The following TESK2 variants were observed in gnomAD, a reference collection of about 807,000 sequenced individuals.
TESK2 encodes the protein dual specificity testis-specific protein kinase 2.
A neutral mutation model predicts 57.1 loss-of-function variants in TESK2; 39 were observed. That is an observed-to-expected ratio of 0.68 (90% confidence interval 0.53 to 0.89). The LOEUF (loss-of-function observed/expected upper bound fraction) is 0.89, where lower values mean the gene tolerates loss of function less well. Among genes scored for constraint, TESK2 ranks in the 40% least tolerant of loss-of-function variants. The pLI is 0.00. For missense variants in TESK2, 646 were observed against 732.1 expected (o/e 0.88, Z 1.36); for synonymous variants, 249 against 267.9 (o/e 0.93, Z 0.69).
Position 45,484,222 on chromosome 1 carries a change from C to T in TESK2, c.-87+6630G>A, listed in dbSNP as rs192542444. ...CTTCCTGGTTCAAGTGATTCTCCTA[C>T]CTCGGCCTCCCGAGTAACTGAGATT... is the stretch of plus-strand genomic sequence containing the variant. On this transcript the variant is annotated intron_variant, in intron 1 of 10. Coordinates refer to ENST00000372086, the MANE Select transcript of TESK2 (RefSeq NM_007170.3). Among the ~76,000 whole-genome samples the T allele has an allele frequency of 1.1e-3, 163 of 150,738 alleles. 1 individual carries two copies. The highest frequency in any genetic ancestry group is 4.0e-3 in the Admixed American group (60 of 15,076).
At chr1:45,364,583 A>C (rs944217841) in intron 4 of TESK2, among the ~76,000 whole-genome samples, 4 of 152,212 alleles carry the variant, frequency 2.6e-5, no homozygotes, top group African/African-American at 9.6e-5. Context: ...GCTCTAAGAA[A>C]CTAATACATG....
chr1:45,357,936 G>A (rs1647507642), intron 4 of TESK2, among the ~76,000 whole-genome samples: 1 of 150,034 alleles, frequency 6.7e-6, no homozygotes, highest in Non-Finnish European at 1.5e-5. Flanking sequence ...CACGGGAGAT[G>A]GAGGTTGCAG....
chr1:45,354,425 A>G (rs1204615749), intron 5 of TESK2, among the ~76,000 whole-genome samples: 1 of 152,162 alleles, frequency 6.6e-6, no homozygotes, highest in African/African-American at 2.4e-5. Flanking sequence ...CAGGAGTTTG[A>G]GACCAGCCTG....
chr1:45,378,264 C>A (rs968622164), intron 4 of TESK2, among the ~76,000 whole-genome samples: 2 of 152,204 alleles, frequency 1.3e-5, no homozygotes, highest in Non-Finnish European at 2.9e-5. Context: ...ACTATCCCAG[C>A]CATTAACCAT....
intron 1 of TESK2, among the ~76,000 whole-genome samples, chr1:45,476,775 A>T (rs962394328): frequency 7.2e-5 from 11 of 151,872 alleles, no homozygotes; most frequent in Non-Finnish European, 1.6e-4. Context: ...TGAACATGGG[A>T]GGTGGAGGTT....
At chr1:45,385,304 T>C in intron 4 of TESK2, 1 of 984,888 alleles carries the variant, frequency 1.0e-6, no homozygotes, top group Non-Finnish European at 1.2e-6. Flanking sequence ...CTGAATTGGC[T>C]CTAAAGAGAG....
chr1:45,450,758 TTTC>T (rs1214885927), intron 2 of TESK2, among the ~76,000 whole-genome samples: 1 of 144,540 alleles, frequency 6.9e-6, no homozygotes, highest in Non-Finnish European at 1.6e-5. Context: ...TATTTATTTA[TTTC>T]TTTTTCTTTT....
In TESK2 at chr1:45,396,172, C is replaced by T. The variant is rs113549052; in HGVS notation, c.345-10212G>A. On this transcript the variant is annotated intron_variant, in intron 3 of 10. Transcript: ENST00000372086. ...TGTCACCCAGGCTAGAATGCAGCAG[C>T]GCTATCTGGCCTCCATGTTCAAGTG... is the stretch of plus-strand genomic sequence containing the variant. 7.2e-3 allele frequency among the ~76,000 whole-genome samples: 1,100 copies of T among 152,108 alleles called. 14 individuals are homozygous for T. The highest frequency in any genetic ancestry group is 0.025 in the African/African-American group (1,034 of 41,492).
chr1:45,417,252 A>G (rs187582850), intron 3 of TESK2, among the ~76,000 whole-genome samples: 6 of 151,546 alleles, frequency 4.0e-5, no homozygotes, highest in Admixed American at 3.9e-4. Flanking sequence ...TTGTTTTTTG[A>G]GACAGTTTCG....
intron 3 of TESK2, among the ~76,000 whole-genome samples, chr1:45,393,819 A>G (rs1649246503): frequency 6.6e-6 from 1 of 152,108 alleles, no homozygotes; most frequent in South Asian, 2.1e-4. Flanking sequence ...AAGAGGAAAT[A>G]TTACTCATCC....
intron 5 of TESK2, among the ~76,000 whole-genome samples, chr1:45,352,423 T>A (rs1006258154): frequency 6.6e-6 from 1 of 152,192 alleles, no homozygotes; most frequent in Non-Finnish European, 1.5e-5. Flanking sequence ...GTTATTTTTA[T>A]AATACAGCAC....
At chr1:45,377,406 A>C (rs1648472538) in intron 4 of TESK2, among the ~76,000 whole-genome samples, 1 of 151,480 alleles carries the variant, frequency 6.6e-6, no homozygotes, top group African/African-American at 2.4e-5. Context: ...AAGGATTCTA[A>C]TAAGAGAACA....
At position 45,473,737 on chromosome 1, in the gene TESK2, C is replaced by A. The variant is rs562262237; in HGVS notation, c.-86-15866G>T. 1.1e-4 allele frequency among the ~76,000 whole-genome samples: 17 copies of A among 151,282 alleles called. No homozygotes were observed. In the East Asian group the frequency reaches 3.1e-3, roughly 28 times the overall value. ...AATTAACAGTTAAAATAACCAAATG[C>A]AATGATGATACTTGGCTAGATCCTG... On this transcript the variant is annotated intron_variant, in intron 1 of 10. Coordinates refer to ENST00000372086, the MANE Select transcript of TESK2 (RefSeq NM_007170.3).
At chr1:45,473,921 C>T (rs190438948) in intron 1 of TESK2, among the ~76,000 whole-genome samples, 1 of 151,866 alleles carries the variant, frequency 6.6e-6, no homozygotes, top group Non-Finnish European at 1.5e-5. Context: ...CCTCAGCCCC[C>T]CAAAGTGCTA....
intron 3 of TESK2, among the ~76,000 whole-genome samples, chr1:45,415,786 C>G (rs1484593638): frequency 6.6e-6 from 1 of 152,176 alleles, no homozygotes; most frequent in East Asian, 1.9e-4. Flanking sequence ...GTTAACTAAA[C>G]TTTCCTAAGA....
In TESK2 at chr1:45,374,914, C is replaced by G. The variant is rs533074469; in HGVS notation, c.393+10998G>C. 1.2e-4 allele frequency among the ~76,000 whole-genome samples: 18 copies of G among 152,288 alleles called. 2 individuals carry two copies. The South Asian group carries it at 3.7e-3, about 32-fold the overall frequency. Reference sequence around the variant, plus strand: ...CCTTGACTTCTCTCATCCTCTCATACCCCACAGCCAATGCATCAGGAAAGC... The same window carrying G: ...CCTTGACTTCTCTCATCCTCTCATAGCCCACAGCCAATGCATCAGGAAAGC... On this transcript the variant is annotated intron_variant, in intron 4 of 10. Transcript: ENST00000372086.
At chr1:45,411,143 C>T (rs1426303589) in intron 3 of TESK2, among the ~76,000 whole-genome samples, 2 of 152,164 alleles carry the variant, frequency 1.3e-5, no homozygotes, top group Non-Finnish European at 2.9e-5. Flanking sequence ...TTTGTGACTT[C>T]TCCAACTGCT....
At chr1:45,481,354 C>T (rs936432058) in intron 1 of TESK2, among the ~76,000 whole-genome samples, 1 of 151,792 alleles carries the variant, frequency 6.6e-6, no homozygotes, top group Non-Finnish European at 1.5e-5. Flanking sequence ...GACAGAGCAA[C>T]ACTCCGTCTC....
intron 3 of TESK2, chr1:45,415,122 G>T: frequency 6.8e-7 from 1 of 1,478,346 alleles, no homozygotes; most frequent in Non-Finnish European, 9.4e-7. Context: ...AAAGACAACA[G>T]AAAACTTTTG....
Sources: gnomAD v4.1 joint callset for allele counts (sites outside exome capture counted in the v4.1 genomes callset) on GRCh38, gnomAD v4.1.1 for gene constraint, MANE v1.5 for transcripts, NCBI Gene and HGNC (gene_info 2026-07-23, HGNC 2026-07-21) for gene names.